The following FOXN3 variants were observed in gnomAD, a reference collection of about 807,000 sequenced individuals.
FOXN3 encodes forkhead box protein N3.
In FOXN3, 7 loss-of-function variants were observed where a neutral mutation model predicts 38.4. That is an observed-to-expected ratio of 0.18 (90% CI 0.10 to 0.34). The LOEUF (loss-of-function observed/expected upper bound fraction) is 0.34. Ranked by LOEUF, FOXN3 falls within the 10% of genes least tolerant of loss-of-function variation. The pLI is 1.00. For synonymous variants in FOXN3, 230 were observed against 242.2 expected (o/e 0.95, Z 0.47); for missense variants, 456 against 613.4 (o/e 0.74, Z 2.71).
At chr14:89,170,121 AAC>A (rs1371673858) in intron 5 of FOXN3, among the ~76,000 whole-genome samples, 3 of 152,254 alleles carry the variant, frequency 2.0e-5, no homozygotes, top group African/African-American at 7.2e-5. Context: ...ACTCCAGATA[AAC>A]AGTCATTCAA....
chr14:89,262,070 T>C (rs1885825287), intron 4 of FOXN3, among the ~76,000 whole-genome samples: 1 of 151,928 alleles, frequency 6.6e-6, no homozygotes, highest in Admixed American at 6.6e-5. Context: ...CGCACTGCAC[T>C]CCAGCCTGGG....
chr14:89,344,584 C>T (rs971252788), intron 3 of FOXN3, among the ~76,000 whole-genome samples: 1 of 152,188 alleles, frequency 6.6e-6, no homozygotes, highest in African/African-American at 2.4e-5. Flanking sequence ...TCTCTAAAAA[C>T]AATCTGTTGT....
At chr14:89,179,431 T>C (rs1402567458) in intron 5 of FOXN3, among the ~76,000 whole-genome samples, 2 of 152,080 alleles carry the variant, frequency 1.3e-5, no homozygotes, top group Admixed American at 1.3e-4. Context: ...CTTTTGGACA[T>C]GAAACACTAT....
intron 1 of FOXN3, among the ~76,000 whole-genome samples, chr14:89,439,800 C>A (rs1172607523): frequency 2.0e-5 from 3 of 150,276 alleles, no homozygotes; most frequent in African/African-American, 7.4e-5. Context: ...GGATTACAGG[C>A]GCCCGCCACC....
intron 4 of FOXN3, among the ~76,000 whole-genome samples, chr14:89,214,962 G>T (rs1724471091): frequency 1.3e-5 from 2 of 152,184 alleles, no homozygotes; most frequent in East Asian, 1.9e-4. Flanking sequence ...AGAATTAAAA[G>T]AATTTACCAT....
At position 89,536,834 on chromosome 14, in the gene FOXN3, C is replaced by T. The variant is rs556408162; in HGVS notation, c.-15+82194G>A. ...TAAAAAAAGATTAAATAAGGTCATCCTCCAGGTTTATCTTCCAAAAACAAT... is the reference window on the plus strand; with the variant it reads ...TAAAAAAAGATTAAATAAGGTCATCTTCCAGGTTTATCTTCCAAAAACAAT... On this transcript the variant is annotated intron_variant, in intron 1 of 6. Transcript: ENST00000345097. 2.2e-4 allele frequency among the ~76,000 whole-genome samples: 34 copies of T among 152,082 alleles called. No homozygotes were observed. The South Asian group carries it at 2.9e-3, about 13-fold the overall frequency.
At chr14:89,416,580 G>A (rs1380611245) in intron 1 of FOXN3, among the ~76,000 whole-genome samples, 2 of 152,056 alleles carry the variant, frequency 1.3e-5, no homozygotes, top group Non-Finnish European at 2.9e-5. Flanking sequence ...CCGGAACGGC[G>A]GGGACCCCGT....
intron 2 of FOXN3, among the ~76,000 whole-genome samples, chr14:89,390,344 T>G (rs1029318326): frequency 6.8e-6 from 1 of 147,638 alleles, no homozygotes; most frequent in African/African-American, 2.5e-5. Flanking sequence ...CTATATAATT[T>G]TATATGTATA....
At chr14:89,428,654 GCTGT>G (rs1248606284) in intron 1 of FOXN3, among the ~76,000 whole-genome samples, 1 of 152,258 alleles carries the variant, frequency 6.6e-6, no homozygotes, top group Non-Finnish European at 1.5e-5. Flanking sequence ...CGCCAGGCCA[GCTGT>G]CTAACAATAT....
intron 3 of FOXN3, among the ~76,000 whole-genome samples, chr14:89,293,169 C>T (rs10873396): frequency 0.25 from 38,166 of 152,172 alleles, 4,945 homozygotes; most frequent in Admixed American, 0.34. Context: ...TGGAGGGTAT[C>T]TCCAGCGGGC....
At chr14:89,328,256 G>T (rs573380668) in intron 3 of FOXN3, among the ~76,000 whole-genome samples, 28 of 152,352 alleles carry the variant, frequency 1.8e-4, no homozygotes, top group African/African-American at 6.7e-4. Flanking sequence ...ATGGCACACA[G>T]GAGTTCCAGC....
At chr14:89,461,736 A>G (rs538385893) in intron 1 of FOXN3, among the ~76,000 whole-genome samples, 1 of 152,260 alleles carries the variant, frequency 6.6e-6, no homozygotes, top group African/African-American at 2.4e-5. Context: ...TGGTGTAGTC[A>G]GGAGGAGCAT....
At chr14:89,421,053 A>G (rs1168099857), upstream of FOXN3, among the ~76,000 whole-genome samples, 3 of 151,756 alleles carry the variant, frequency 2.0e-5, no homozygotes, top group Non-Finnish European at 4.4e-5. Context: ...TGGGGAAAAA[A>G]GGCTAAAATA....
rs1196259497 is a variant in FOXN3 at position 89,511,230 on chromosome 14, TTCTTTC to T, written c.-14-98746_-14-98741del. Among the ~76,000 whole-genome samples the T allele has an allele frequency of 3.3e-3, 89 of 26,910 alleles. 16 individuals are homozygous for T. Among genetic ancestry groups the T allele is most frequent in the African/African-American group, 5.8e-3 (85 of 14,658 alleles). 17.7% of individuals were successfully genotyped at this position (26,910 alleles called of 152,430 possible). A position where few individuals can be genotyped will look rare whatever the true frequency, so the allele number is the denominator to read the frequency against. On this transcript the variant is annotated intron_variant, in intron 1 of 6. Transcript: ENST00000345097. ...TTCTTTCTTTCTTTCTTTCTTTCTT[TTCTTTC>T]CTTTTCTTTCTTTTCTTTCTTTCTT...
chr14:89,183,666 G>A (rs1887731176), intron 4 of FOXN3, among the ~76,000 whole-genome samples: 1 of 137,462 alleles, frequency 7.3e-6, no homozygotes, highest in Admixed American at 7.5e-5. Flanking sequence ...ACCTGGAAGT[G>A]ATTTTTTAAT....
intron 2 of FOXN3, among the ~76,000 whole-genome samples, chr14:89,410,178 A>G (rs1307574936): frequency 6.6e-6 from 1 of 151,978 alleles, no homozygotes; most frequent in East Asian, 1.9e-4. Context: ...GCAAGGAGCA[A>G]TACGGTTGGC....
At chr14:89,608,727 G>A (rs1368166182) in intron 1 of FOXN3, among the ~76,000 whole-genome samples, 1 of 152,168 alleles carries the variant, frequency 6.6e-6, no homozygotes, top group Non-Finnish European at 1.5e-5. Flanking sequence ...CTTCCCACAT[G>A]CACTATCATA....
chr14:89,618,171 G>A (rs1251317668), intron 1 of FOXN3, among the ~76,000 whole-genome samples: 1 of 152,160 alleles, frequency 6.6e-6, no homozygotes, highest in Non-Finnish European at 1.5e-5. Flanking sequence ...TTGCAATCAT[G>A]TGTCCCAACT....
At chr14:89,240,435 C>A (rs972309615) in intron 4 of FOXN3, among the ~76,000 whole-genome samples, 2 of 152,230 alleles carry the variant, frequency 1.3e-5, no homozygotes, top group Non-Finnish European at 2.9e-5. Context: ...GGAGTATTCA[C>A]TGCAACACTG....
Sources: allele counts gnomAD v4.1 joint callset (sites outside exome capture counted in the v4.1 genomes callset), GRCh38; gene constraint gnomAD v4.1.1; transcripts MANE v1.5; gene names NCBI Gene and HGNC (gene_info 2026-07-23, HGNC 2026-07-21).